EXOC6B: variants seen among roughly 807,000 people sequenced by gnomAD.
EXOC6B encodes SEC15 homolog B.
EXOC6B carries 54 observed loss-of-function variants against 113.5 expected under a neutral mutation model. The ratio of observed to expected loss-of-function variants is 0.48; its 90% confidence interval spans 0.38 to 0.60. The LOEUF (loss-of-function observed/expected upper bound fraction) is 0.60. Among genes scored for constraint, EXOC6B ranks in the 20% least tolerant of loss-of-function variants. The pLI is 0.00. For synonymous variants in EXOC6B, 357 were observed against 339.0 expected (o/e 1.05, Z -0.58); for missense variants, 797 against 977.5 (o/e 0.82, Z 2.46).
At chr2:72,584,880 A>T (rs1221250565) in intron 6 of EXOC6B, among the ~76,000 whole-genome samples, 1 of 152,238 alleles carries the variant, frequency 6.6e-6, no homozygotes, top group East Asian at 1.9e-4. Context: ...ACAATTACAT[A>T]GAAATTAAAC....
chr2:72,534,721 T>C (rs914419325), intron 8 of EXOC6B, among the ~76,000 whole-genome samples: 2 of 152,198 alleles, frequency 1.3e-5, no homozygotes, highest in Admixed American at 1.3e-4. Context: ...TACAACTCTT[T>C]ATGTTGCAAT....
At chr2:72,764,158 C>G (rs537207083) in intron 1 of EXOC6B, among the ~76,000 whole-genome samples, 1 of 152,052 alleles carries the variant, frequency 6.6e-6, no homozygotes, top group Admixed American at 6.6e-5. Context: ...CTATTTCCTA[C>G]TATAATTGAT....
intron 6 of EXOC6B, among the ~76,000 whole-genome samples, chr2:72,584,208 G>A (rs994934721): frequency 1.3e-5 from 2 of 151,476 alleles, no homozygotes; most frequent in Admixed American, 1.3e-4. Context: ...GCACTGATAT[G>A]CAAGTAGGGT....
intron 19 of EXOC6B, among the ~76,000 whole-genome samples, chr2:72,337,842 TA>T (rs1688778897): frequency 6.6e-6 from 1 of 152,178 alleles, no homozygotes; most frequent in South Asian, 2.1e-4. Context: ...GCAAACTCCT[TA>T]GGGATAAAGA....
chr2:72,401,646 CATATATAT>C (rs72155589), intron 18 of EXOC6B, among the ~76,000 whole-genome samples: 3 of 20,716 alleles, frequency 1.4e-4, no homozygotes, highest in South Asian at 9.2e-4. Context: ...TACATATATA[CATATATAT>C]ATATATATAT....
chr2:72,393,268 A>AT (rs1221893559), intron 18 of EXOC6B, among the ~76,000 whole-genome samples: 3 of 151,476 alleles, frequency 2.0e-5, no homozygotes, highest in Admixed American at 6.6e-5. Flanking sequence ...TAATTTTTGT[A>AT]TTTTTTTAGT....
chr2:72,775,648 G>GA (rs1227656137), intron 1 of EXOC6B, among the ~76,000 whole-genome samples: 16 of 150,198 alleles, frequency 1.1e-4, no homozygotes, highest in South Asian at 2.1e-4. Context: ...CTGAGAAAAA[G>GA]AAAAAAAAAT....
rs142387827 is a variant in EXOC6B, at chr2:72,227,271, T to C, written c.2197-43084A>G. On this transcript the variant is annotated intron_variant, in intron 20 of 21. Coordinates refer to ENST00000272427, the MANE Select transcript of EXOC6B (RefSeq NM_015189.3). ...ATGCAGAAAGTTCAAAGTCAAGCAA[T>C]GGAAAAACACATACTGAGCAAGTAC... Among the ~76,000 whole-genome samples the C allele has an allele frequency of 5.1e-3, 774 of 151,942 alleles. 6 individuals are homozygous for C. Among genetic ancestry groups the C allele is most frequent in the African/African-American group, 0.018 (733 of 41,440 alleles).
At chr2:72,347,126 A>C (rs1689381520) in intron 19 of EXOC6B, among the ~76,000 whole-genome samples, 1 of 152,174 alleles carries the variant, frequency 6.6e-6, no homozygotes, top group Non-Finnish European at 1.5e-5. Context: ...ATGTAAAGTC[A>C]CAATTTTCCT....
At chr2:72,301,951 T>TCTAA (rs1452745909) in intron 20 of EXOC6B, among the ~76,000 whole-genome samples, 1 of 152,170 alleles carries the variant, frequency 6.6e-6, no homozygotes, top group African/African-American at 2.4e-5. Flanking sequence ...TTGAGATCTT[T>TCTAA]CTAACTTTTT....
intron 20 of EXOC6B, among the ~76,000 whole-genome samples, chr2:72,314,227 T>C (rs1687375834): frequency 6.6e-6 from 1 of 152,174 alleles, no homozygotes; most frequent in South Asian, 2.1e-4. Flanking sequence ...ACACTTATTA[T>C]CCTGGGTTGT....
intron 21 of EXOC6B, chr2:72,182,783 CG>C: frequency 1.4e-6 from 1 of 734,846 alleles, no homozygotes; most frequent in Non-Finnish European, 1.9e-6. Flanking sequence ...TATGTCAGGG[CG>C]GGGACAACTC....
At chr2:72,589,622 T>G (rs1705805084) in intron 6 of EXOC6B, among the ~76,000 whole-genome samples, 1 of 152,032 alleles carries the variant, frequency 6.6e-6, no homozygotes, top group African/African-American at 2.4e-5. Flanking sequence ...TGGCTCCAAG[T>G]GATCTGCTGT....
intron 6 of EXOC6B, among the ~76,000 whole-genome samples, chr2:72,615,656 T>C (rs950828212): frequency 3.4e-4 from 51 of 151,476 alleles, no homozygotes; most frequent in African/African-American, 1.2e-3. Context: ...TTATGTATAG[T>C]ATGTAATGTT....
chr2:72,390,511 A>G (rs1692311175), intron 18 of EXOC6B, among the ~76,000 whole-genome samples: 1 of 152,162 alleles, frequency 6.6e-6, no homozygotes, highest in African/African-American at 2.4e-5. Context: ...ACTGTTGAAT[A>G]TCAGTACTTT....
chr2:72,444,785 A>T (rs1696464480), intron 18 of EXOC6B, among the ~76,000 whole-genome samples: 1 of 152,162 alleles, frequency 6.6e-6, no homozygotes, highest in South Asian at 2.1e-4. Context: ...TCACCACAGC[A>T]CAGGGACCTT....
intron 18 of EXOC6B, among the ~76,000 whole-genome samples, chr2:72,400,037 A>G (rs915506608): frequency 5.3e-5 from 8 of 152,144 alleles, no homozygotes; most frequent in Admixed American, 2.6e-4. Flanking sequence ...AAATTACACT[A>G]CAAAGCTATA....
At chr2:72,319,112 A>G (rs1408597845) in intron 20 of EXOC6B, among the ~76,000 whole-genome samples, 1 of 151,928 alleles carries the variant, frequency 6.6e-6, no homozygotes, top group African/African-American at 2.4e-5. Context: ...ATATGAATAT[A>G]TAATAATTTA....
chr2:72,217,375 C>A (rs899190266), intron 20 of EXOC6B, among the ~76,000 whole-genome samples: 1 of 152,126 alleles, frequency 6.6e-6, no homozygotes, highest in African/African-American at 2.4e-5. Context: ...ATACCCAAGT[C>A]AGACTTCTAA....
Sources: allele counts gnomAD v4.1 joint callset (sites outside exome capture counted in the v4.1 genomes callset), GRCh38; gene constraint gnomAD v4.1.1; transcripts MANE v1.5; gene names NCBI Gene and HGNC (gene_info 2026-07-23, HGNC 2026-07-21).